Variants in CSMD2 observed in about 807,000 individuals in gnomAD.
The protein encoded by CSMD2 is CUB and sushi domain-containing protein 2.
CSMD2 carries 130 observed loss-of-function variants against 398.5 expected under a neutral mutation model. The observed-to-expected ratio is 0.33, with a 90% CI of 0.28 to 0.38. CSMD2 has a LOEUF of 0.38. Ranked by LOEUF, CSMD2 falls within the 10% of genes least tolerant of loss-of-function variation. The pLI is 1.00. For synonymous variants in CSMD2, 1,828 were observed against 1,908.5 expected, an observed-to-expected ratio of 0.96 and a Z score of 1.10; for missense variants, 3,829 against 4,764.9, an observed-to-expected ratio of 0.80 and a Z score of 5.78.
chr1:34,020,143 AG>A (rs1209079432), intron 3 of CSMD2, among the ~76,000 whole-genome samples: 1 of 152,162 alleles, frequency 6.6e-6, no homozygotes, highest in African/African-American at 2.4e-5. Flanking sequence ...TGGTCAGAAA[AG>A]GCTTCTCAAT....
In CSMD2 at chr1:33,726,615, C is replaced by G; in HGVS notation, c.2439G>C (p.Lys813Asn). The G allele has an allele frequency of 6.2e-7, 1 of 1,613,758 alleles. No homozygotes were observed. The highest frequency in any genetic ancestry group is 8.5e-7 in the Non-Finnish European group (1 of 1,179,974). Reference protein sequence around the residue: ...ILSPGWPGFYKDALSCAWVIE... With the variant: ...ILSPGWPGFYNDALSCAWVIE... Reference sequence around the variant, plus strand: ...TCACCCAGGCACAGCTCAAGGCATCCTTGTAGAAGCCAGGCCAGCCCGGAG... The same window carrying G: ...TCACCCAGGCACAGCTCAAGGCATCGTTGTAGAAGCCAGGCCAGCCCGGAG... The change falls in exon 16 of 71, where the codon AAG becomes AAC. Residue 813 changes from lysine (K) to asparagine (N), a missense_variant. This residue lies in a region of CSMD2 where 2,001 missense variants were observed against 2,567.1 expected (regional missense o/e 0.78). Transcript: ENST00000373381.
intron 13 of CSMD2, among the ~76,000 whole-genome samples, chr1:33,762,451 G>C (rs1359466071): frequency 1.3e-5 from 2 of 152,204 alleles, no homozygotes; most frequent in Non-Finnish European, 2.9e-5. Context: ...TCACAGCCCA[G>C]GATTAGACTC....
intron 7 of CSMD2, among the ~76,000 whole-genome samples, chr1:33,821,130 G>C (rs768671645): frequency 3.3e-5 from 5 of 152,204 alleles, no homozygotes; most frequent in Non-Finnish European, 7.3e-5. Flanking sequence ...TCGAGCCAGA[G>C]TAAGCAGTCA....
In CSMD2 at chr1:33,518,714, C is replaced by T. The variant is rs543808843; in HGVS notation, c.*53+751G>A. 3.3e-5 allele frequency among the ~76,000 whole-genome samples: 5 copies of T among 152,166 alleles called. No homozygotes were observed. The highest frequency in any genetic ancestry group is 7.3e-5 in the Non-Finnish European group (5 of 68,032). ...AATTCCGTCTCTGACTGCTTTTGGA[C>T]TCAAGATGACAGCATCAACTCCTGC... On this transcript the variant is annotated intron_variant, in intron 70 of 70. Coordinates refer to ENST00000373381, the MANE Select transcript of CSMD2 (RefSeq NM_001281956.2). The surrounding 1 kb of genome is among the most constrained non-coding windows in gnomAD (Gnocchi z 4.3).
At chr1:33,786,795 T>C (rs956917359) in intron 12 of CSMD2, among the ~76,000 whole-genome samples, 11 of 152,334 alleles carry the variant, frequency 7.2e-5, no homozygotes, top group African/African-American at 2.6e-4. Context: ...CATGGCCTCC[T>C]ATTCTTAAAA....
At chr1:34,135,216 T>C (rs916294981) in intron 1 of CSMD2, among the ~76,000 whole-genome samples, 4 of 150,756 alleles carry the variant, frequency 2.7e-5, no homozygotes, top group African/African-American at 9.8e-5. Context: ...AAATCCATTC[T>C]ATAGACATCT....
At chr1:33,866,622 A>G (rs932936209) in intron 5 of CSMD2, among the ~76,000 whole-genome samples, 4 of 152,232 alleles carry the variant, frequency 2.6e-5, no homozygotes, top group African/African-American at 9.6e-5. Context: ...TCATTCTTGA[A>G]ATGTAATCCA....
intron 2 of CSMD2, among the ~76,000 whole-genome samples, chr1:34,072,990 C>T (rs1225176209): frequency 6.6e-6 from 1 of 152,138 alleles, no homozygotes; most frequent in Non-Finnish European, 1.5e-5. Context: ...CAAGCAGATA[C>T]CAGGGTCCCA....
In CSMD2 at chr1:33,569,517, G is replaced by A. The variant is rs777939906; in HGVS notation, c.7988C>T (p.Pro2663Leu). 5.0e-6 allele frequency: 8 copies of A among 1,614,144 alleles called. No homozygotes were observed. The highest frequency in any genetic ancestry group is 2.2e-5 in the East Asian group (1 of 44,884). Reference protein sequence around the residue: ...IISCGELPIPPNGHRIGTLSV... With the variant: ...IISCGELPIPLNGHRIGTLSV... Reference sequence around the variant, plus strand: ...CAGTGTTCCGATGCGGTGGCCATTGGGGGGAATCGGGAGCTCTCCACAGGA... The same window carrying A: ...CAGTGTTCCGATGCGGTGGCCATTGAGGGGAATCGGGAGCTCTCCACAGGA... The change falls in exon 52 of 71, where the codon CCC becomes CTC. Residue 2663 changes from proline to leucine, a missense_variant. Coordinates refer to ENST00000373381, the MANE Select transcript of CSMD2 (RefSeq NM_001281956.2).
At chr1:34,028,144 C>A (rs1649919421) in intron 3 of CSMD2, among the ~76,000 whole-genome samples, 1 of 151,984 alleles carries the variant, frequency 6.6e-6, no homozygotes, top group South Asian at 2.1e-4. Context: ...CATGGTGAAA[C>A]CCTATCTTTA....
intron 5 of CSMD2, among the ~76,000 whole-genome samples, chr1:33,888,337 A>C (rs1641737973): frequency 6.6e-6 from 1 of 152,214 alleles, no homozygotes; most frequent in African/African-American, 2.4e-5. Flanking sequence ...ATAATGAAGG[A>C]GGTCTTTTCT....
At chr1:33,979,695 TTATG>T (rs1646095778) in intron 3 of CSMD2, among the ~76,000 whole-genome samples, 1 of 138,748 alleles carries the variant, frequency 7.2e-6, no homozygotes, top group Non-Finnish European at 1.7e-5. Flanking sequence ...TGTGTGTGTT[TTATG>T]TGTGTGTGTG....
intron 6 of CSMD2, chr1:33,840,280 A>C (rs995957530): frequency 1.3e-5 from 2 of 152,238 alleles, no homozygotes; most frequent in African/African-American, 4.8e-5. Context: ...TGGTTTTGAT[A>C]GCCTATGCGG....
Position 33,614,551 on chromosome 1 carries a change from G to T in CSMD2, c.6086C>A (p.Pro2029His), listed in dbSNP as rs145393304. ...ILSPGFPGNY[P>H]SNMDCSWKIA... ...TTTCCAGGAGCAGTCCATGTTACTG[G>T]GGTAGTTGCCTGGGAAGCCGGGGCT... The change falls in exon 40 of 71, where the codon CCC becomes CAC. Residue 2029 changes from proline (P) to histidine (H), a missense_variant. Around this residue, in one of 5 missense-constraint regions of CSMD2, gnomAD observed 2,001 missense variants for 2,567.1 expected, o/e 0.78. Transcript: ENST00000373381. 2 of 1,612,704 alleles carry T rather than the reference G, an allele frequency of 1.2e-6. No individual in the cohort carries two copies. The highest frequency in any genetic ancestry group is 1.1e-5 in the South Asian group (1 of 91,010).
At chr1:33,728,323 AC>A (rs1249275341) in intron 15 of CSMD2, among the ~76,000 whole-genome samples, 1 of 125,094 alleles carries the variant, frequency 8.0e-6, no homozygotes, top group Non-Finnish European at 1.6e-5. Context: ...AGTCTAATAT[AC>A]CCAATCCTCT....
intron 14 of CSMD2, among the ~76,000 whole-genome samples, chr1:33,741,582 G>A (rs1647069765): frequency 6.6e-6 from 1 of 152,180 alleles, no homozygotes; most frequent in Non-Finnish European, 1.5e-5. Context: ...TCCACCAATT[G>A]TTGGCAAGAA....
chr1:33,950,326 G>A (rs115461239), intron 3 of CSMD2, among the ~76,000 whole-genome samples: 1,656 of 149,972 alleles, frequency 0.011, 15 homozygotes, highest in Non-Finnish European at 0.016. Flanking sequence ...GTACGTACCC[G>A]TCTCCTCCTC....
At chr1:34,076,086 G>A (rs976574722) in intron 2 of CSMD2, among the ~76,000 whole-genome samples, 1 of 152,204 alleles carries the variant, frequency 6.6e-6, no homozygotes, top group Admixed American at 6.5e-5. Context: ...TGCTTTCAAG[G>A]AGATGGCTAT....
intron 56 of CSMD2, among the ~76,000 whole-genome samples, chr1:33,548,435 C>A (rs1216927255): frequency 6.6e-6 from 1 of 152,176 alleles, no homozygotes; most frequent in Non-Finnish European, 1.5e-5. Context: ...AAGTAGGTCT[C>A]AAACTCCAGA....
Sources: allele counts gnomAD v4.1 joint callset (sites outside exome capture counted in the v4.1 genomes callset), GRCh38; gene constraint gnomAD v4.1.1; regional missense constraint gnomAD v4.1.1; non-coding constraint Gnocchi (gnomAD v3.1); transcripts MANE v1.5; gene names NCBI Gene and HGNC (gene_info 2026-07-23, HGNC 2026-07-21).